SPICE1: variants seen among roughly 807,000 people sequenced by gnomAD.
The protein encoded by SPICE1 is spindle and centriole-associated protein 1.
In SPICE1, 75 loss-of-function variants were observed where a neutral mutation model predicts 102.7. The ratio of observed to expected loss-of-function variants is 0.73; its 90% CI spans 0.61 to 0.88. The LOEUF is 0.88. Among genes scored for constraint, SPICE1 ranks in the 40% least tolerant of loss-of-function variants. The pLI is 0.00. For synonymous variants in SPICE1, 308 were observed against 350.3 expected (o/e 0.88, Z 1.35); for missense variants, 979 against 1,020.1 (o/e 0.96, Z 0.55).
chr3:113,453,891 T>G lies in SPICE1; in HGVS notation c.1717A>C (p.Ile573Leu). Residue 573 changes from isoleucine (I) to leucine (L), a missense_variant, in exon 14 of 18, where the codon ATT (isoleucine) becomes CTT (leucine). Physicochemically the swap from Ile to Leu is conservative, Grantham distance 5. Transcript: ENST00000295872. ...TCTTCCCAATTTTGTTCCTTCTCAATTATTTCCACAGTTGGAGGAAGTCGT... is the reference window on the plus strand; with the variant it reads ...TCTTCCCAATTTTGTTCCTTCTCAAGTATTTCCACAGTTGGAGGAAGTCGT... The part of the protein sequence containing the change: ...APRLPPTVEI[I>L]EKEQNWEEKT... 3.1e-6 allele frequency: 5 copies of G among 1,614,190 alleles called. No individual in the cohort carries two copies. The highest frequency in any genetic ancestry group is 4.2e-6 in the Non-Finnish European group (5 of 1,180,020).
chr3:113,505,326 C>T (rs1337074462), intron 2 of SPICE1, among the ~76,000 whole-genome samples: 5 of 150,872 alleles, frequency 3.3e-5, no homozygotes, highest in African/African-American at 7.3e-5. Context: ...TTTTTTTTTC[C>T]GATTTATCAG....
chr3:113,459,918 C>T, intron 12 of SPICE1: 1 of 984,772 alleles, frequency 1.0e-6, no homozygotes, highest in Non-Finnish European at 1.2e-6. Context: ...AAGACTCCAC[C>T]AGAAGACAGA....
chr3:113,487,180 G>C (rs1316321999), intron 7 of SPICE1, among the ~76,000 whole-genome samples: 1 of 152,032 alleles, frequency 6.6e-6, no homozygotes, highest in Non-Finnish European at 1.5e-5. Flanking sequence ...GCAGTAGTAT[G>C]GGCGCAGCAA....
intron 11 of SPICE1, among the ~76,000 whole-genome samples, chr3:113,462,620 G>C (rs912020499): frequency 6.6e-5 from 10 of 152,194 alleles, no homozygotes; most frequent in African/African-American, 2.4e-4. Context: ...GTAAATAATT[G>C]TAGTTATTTA....
intron 6 of SPICE1, among the ~76,000 whole-genome samples, chr3:113,491,644 A>AAAAAAG (rs1559972339): frequency 2.6e-5 from 4 of 151,088 alleles, no homozygotes; most frequent in African/African-American, 9.7e-5. Flanking sequence ...AAAAAAAAAA[A>AAAAAAG]AAAAAGATTA....
Position 113,453,849 on chromosome 3 carries a change from C to T in SPICE1, c.1759G>A (p.Asp587Asn). 1 of 1,614,186 alleles carries T rather than the reference C, an allele frequency of 6.2e-7. No individual in the cohort carries two copies. Among genetic ancestry groups the T allele is most frequent in the Non-Finnish European group, 8.5e-7 (1 of 1,180,026 alleles). Residue 587 changes from aspartate (D) to asparagine (N), a missense_variant, in exon 14 of 18, where the codon GAT (aspartate) becomes AAT (asparagine). By Grantham distance (23) the Asp-to-Asn change is conservative (BLOSUM62 1). Coordinates refer to ENST00000295872, the MANE Select transcript of SPICE1 (RefSeq NM_144718.4). The stretch of plus-strand genomic sequence containing the variant: ...TCACTTGAATTCTGAATGTCTGTAT[C>T]AATAGGTAAGGTCTTCTCTTCCCAA... ...QNWEEKTLPIDTDIQNSSEEN... is the reference protein window; with the variant it reads ...QNWEEKTLPINTDIQNSSEEN...
At chr3:113,482,182 C>T (rs549637681) in intron 7 of SPICE1, among the ~76,000 whole-genome samples, 209 of 152,216 alleles carry the variant, frequency 1.4e-3, no homozygotes, top group African/African-American at 4.6e-3. Flanking sequence ...AGCTTTTTTT[C>T]GTATGTTTTT....
chr3:113,460,900 C>T (rs1197784488), intron 11 of SPICE1, 136 bp from the exon 12 acceptor site: 1 of 625,618 alleles, frequency 1.6e-6, no homozygotes, highest in Admixed American at 3.6e-5. Flanking sequence ...TGTATAATAT[C>T]ATCATTTTAA....
intron 7 of SPICE1, among the ~76,000 whole-genome samples, chr3:113,485,176 GT>G (rs1422898555): frequency 0.028 from 3,910 of 139,460 alleles, 65 homozygotes; most frequent in East Asian, 0.056. Flanking sequence ...AGTTTTGTTT[GT>G]TTTTTTTTTT....
chr3:113,497,879 C>CT (rs554657969), intron 4 of SPICE1, among the ~76,000 whole-genome samples: 5,950 of 131,638 alleles, frequency 0.045, 403 homozygotes, highest in African/African-American at 0.15. Flanking sequence ...ATCTTTAGGG[C>CT]TTTTTTTTTT....
chr3:113,488,771 G>A (rs1272624442), intron 7 of SPICE1, among the ~76,000 whole-genome samples, 174 bp downstream of exon 7: 1 of 152,176 alleles, frequency 6.6e-6, no homozygotes, highest in Non-Finnish European at 1.5e-5. Flanking sequence ...TCTGAGTAAA[G>A]AGTATACAAG....
At chr3:113,484,521 A>G (rs199664933) in intron 7 of SPICE1, among the ~76,000 whole-genome samples, 4,275 of 152,004 alleles carry the variant, frequency 0.028, 107 homozygotes, top group East Asian at 0.098. Flanking sequence ...ATTTAGTGCT[A>G]TAAATTTCCC....
chr3:113,501,003 T>C (rs977129361), intron 3 of SPICE1, among the ~76,000 whole-genome samples: 2 of 152,162 alleles, frequency 1.3e-5, no homozygotes, highest in Admixed American at 1.3e-4. Context: ...AAAACAGGAC[T>C]TCAAACTTAC....
intron 7 of SPICE1, among the ~76,000 whole-genome samples, chr3:113,471,684 T>A (rs1221646191): frequency 9.2e-5 from 14 of 152,184 alleles, no homozygotes. Flanking sequence ...ATACTTCATG[T>A]TCTGTCAAAG....
In SPICE1 at chr3:113,483,567, T is replaced by C. The variant is rs538573217; in HGVS notation, c.611+5378A>G. 4.6e-5 allele frequency among the ~76,000 whole-genome samples: 7 copies of C among 152,336 alleles called. No homozygotes were observed. The South Asian group carries it at 1.4e-3, about 32-fold the overall frequency. ...AGATATGTTCCACCGATACCTAGTT[T>C]ATTGAATTTTTAGCATGAAGGGGTG... On this transcript the variant is annotated intron_variant, in intron 7 of 17. Coordinates refer to ENST00000295872, the MANE Select transcript of SPICE1 (RefSeq NM_144718.4).
chr3:113,488,622 C>A (rs534519537), intron 7 of SPICE1, among the ~76,000 whole-genome samples: 1 of 151,926 alleles, frequency 6.6e-6, no homozygotes, highest in Non-Finnish European at 1.5e-5. Context: ...GAGGTAGGTG[C>A]GGAATAAAAA....
At chr3:113,488,622 C>T (rs534519537) in intron 7 of SPICE1, among the ~76,000 whole-genome samples, 1 of 152,044 alleles carries the variant, frequency 6.6e-6, no homozygotes, top group Admixed American at 6.6e-5. Flanking sequence ...GAGGTAGGTG[C>T]GGAATAAAAA....
chr3:113,464,013 A>G (rs1935993207), intron 11 of SPICE1, among the ~76,000 whole-genome samples: 1 of 151,926 alleles, frequency 6.6e-6, no homozygotes, highest in African/African-American at 2.4e-5. Context: ...GCTTGCAGTG[A>G]GCTGAGATCA....
intron 6 of SPICE1, among the ~76,000 whole-genome samples, chr3:113,492,162 T>C (rs914180991): frequency 3.3e-5 from 5 of 152,224 alleles, no homozygotes; most frequent in Admixed American, 6.5e-5. Context: ...AAAACATAAA[T>C]GGTTTTTGCC....
Sources: gnomAD v4.1 joint callset for allele counts (sites outside exome capture counted in the v4.1 genomes callset) on GRCh38, gnomAD v4.1.1 for gene constraint, MANE v1.5 for transcripts, NCBI Gene and HGNC (gene_info 2026-07-23, HGNC 2026-07-21) for gene names.